ZC3H14: variants seen among roughly 807,000 people sequenced by gnomAD.
The protein encoded by ZC3H14 is zinc finger CCCH-type containing 14.
In ZC3H14, 31 loss-of-function variants were observed where a neutral mutation model predicts 92.4. The observed-to-expected ratio is 0.34, with a 90% CI of 0.25 to 0.45. The LOEUF is 0.45. Ranked by LOEUF, ZC3H14 falls within the 20% of genes least tolerant of loss-of-function variation. The pLI, the probability that ZC3H14 is intolerant of heterozygous loss-of-function variation, is 1.00. For synonymous variants in ZC3H14, 321 were observed against 300.9 expected, an observed-to-expected ratio of 1.07 and a Z score of -0.69; for missense variants, 781 against 897.3, an observed-to-expected ratio of 0.87 and a Z score of 1.66.
intron 2 of ZC3H14, among the ~76,000 whole-genome samples, chr14:88,566,031 C>CCCCCCCCT (rs2079554707): frequency 4.4e-5 from 1 of 22,788 alleles, no homozygotes; most frequent in Non-Finnish European, 2.8e-4. Context: ...CCACCCCGCC[C>CCCCCCCCT]CCCCCCCCCG....
At chr14:88,569,806 A>C (rs1321312951) in intron 3 of ZC3H14, among the ~76,000 whole-genome samples, 1 of 152,198 alleles carries the variant, frequency 6.6e-6, no homozygotes. Flanking sequence ...GAAATTCTGC[A>C]CAGAATTCTC....
At chr14:88,574,943 T>C in intron 7 of ZC3H14, 90 bp downstream of exon 7, 2 of 1,585,566 alleles carry the variant, frequency 1.3e-6, no homozygotes, top group Non-Finnish European at 1.7e-6. Context: ...AAATAATTTT[T>C]GTTTGTTTTT....
chr14:88,615,864 G>A lies in ZC3H14; in HGVS notation c.*4113G>A, dbSNP rs987577265. The A allele has an allele frequency of 5.0e-6, 8 of 1,609,900 alleles. No homozygotes were observed. The Admixed American group carries it at 1.2e-4, about 24-fold the overall frequency. ...TTTCCAGACAAATAAGCTGCAATCA[G>A]AGAAGAAAATTGCAGGGAGTTAATT... On this transcript the variant is annotated 3_prime_UTR_variant, in exon 17 of 17. Transcript: ENST00000251038.
Position 88,572,010 on chromosome 14 carries a change from G to C in ZC3H14, c.236-20G>C. 6.4e-7 allele frequency: 1 copy of C among 1,563,836 alleles called. No homozygotes were observed. Among genetic ancestry groups the C allele is most frequent in the Non-Finnish European group, 8.8e-7 (1 of 1,141,774 alleles). ...ATAAGAAATAAAAATAGATTAAAAG[G>C]ACTGTATTTTTCTTTTCAGAACCCT... is the stretch of plus-strand genomic sequence containing the variant. On this transcript the variant is annotated intron_variant, in intron 4 of 16. Transcript: ENST00000251038.
At chr14:88,579,289 C>A (rs1322773950) in intron 9 of ZC3H14, among the ~76,000 whole-genome samples, 10 of 152,018 alleles carry the variant, frequency 6.6e-5, no homozygotes, top group Admixed American at 2.6e-4. Context: ...GCCATGACAG[C>A]GTTATATACT....
chr14:88,585,953 G>A (rs1012748649), intron 9 of ZC3H14, among the ~76,000 whole-genome samples: 2 of 152,154 alleles, frequency 1.3e-5, no homozygotes, highest in African/African-American at 4.8e-5. Context: ...TGGATCACCT[G>A]AGGTCAGGAG....
intron 8 of ZC3H14, among the ~76,000 whole-genome samples, chr14:88,576,864 T>C (rs925265498): frequency 6.6e-6 from 1 of 151,968 alleles, no homozygotes; most frequent in Non-Finnish European, 1.5e-5. Context: ...GATCTTGGCT[T>C]ACTGCAATCT....
rs2089263470 is a variant in ZC3H14, at chr14:88,622,854, T to C, written c.*11103T>C. Reference sequence around the variant, plus strand: ...TATTTATAATTTACCTCTAATATTCTTGTAAACTTTCTATGGCAATTTGAG... The same window carrying C: ...TATTTATAATTTACCTCTAATATTCCTGTAAACTTTCTATGGCAATTTGAG... On this transcript the variant is annotated 3_prime_UTR_variant, in exon 17 of 17. Transcript: ENST00000251038. The C allele has an allele frequency of 3.8e-6, 2 of 532,426 alleles. No homozygotes were observed. The highest frequency in any genetic ancestry group is 8.6e-5 in the South Asian group (2 of 23,382). 33.0% of individuals were successfully genotyped at this position (532,426 alleles called of 1,614,324 possible). A position where few individuals can be genotyped will look rare whatever the true frequency, so the allele number is the denominator to read the frequency against.
Position 88,621,155 on chromosome 14 carries a change from A to C in ZC3H14, c.*9404A>C, listed in dbSNP as rs2140309452. On this transcript the variant is annotated 3_prime_UTR_variant, in exon 17 of 17. Transcript: ENST00000251038. Reference sequence around the variant, plus strand: ...AAAGTCTCACTGTCCCATCTTCTGCAGCAGAAAGGAAAAAATCCCTGGAAG... The same window carrying C: ...AAAGTCTCACTGTCCCATCTTCTGCCGCAGAAAGGAAAAAATCCCTGGAAG... 1 of 1,613,930 alleles carries C rather than the reference A, an allele frequency of 6.2e-7. No individual in the cohort carries two copies. Among genetic ancestry groups the C allele is most frequent in the East Asian group, 2.2e-5 (1 of 44,876 alleles).
At chr14:88,606,000 C>T (rs545915491) in intron 12 of ZC3H14, among the ~76,000 whole-genome samples, 17 of 152,274 alleles carry the variant, frequency 1.1e-4, no homozygotes, top group Non-Finnish European at 2.4e-4. Context: ...TAACTGACCT[C>T]TGGCAAGAGG....
At position 88,619,685 on chromosome 14, in the gene ZC3H14, A is replaced by ATT. The variant is rs35732162; in HGVS notation, c.*7945_*7946dup. 7.1e-4 allele frequency: 106 copies of ATT among 149,838 alleles called. No homozygotes were observed. Among genetic ancestry groups the ATT allele is most frequent in the South Asian group, 6.8e-3 (32 of 4,716 alleles). The allele number at this position is 149,838 out of a possible 1,614,324, so 9.3% of individuals were successfully genotyped here. On this transcript the variant is annotated 3_prime_UTR_variant, in exon 17 of 17. Transcript: ENST00000251038. Reference sequence around the variant, plus strand: ...ACACAACTTGAATCTTGGAAGAAGAATTTTTTTTTTTTGAGACGAAGTCTC... The same window carrying ATT: ...ACACAACTTGAATCTTGGAAGAAGAATTTTTTTTTTTTTTGAGACGAAGTCTC...
In ZC3H14 at chr14:88,563,042, C is replaced by G. The variant is rs1426185521; in HGVS notation, c.-92C>G. 3.3e-6 allele frequency: 5 copies of G among 1,510,644 alleles called. No individual in the cohort carries two copies. The highest frequency in any genetic ancestry group is 3.9e-5 in the Admixed American group (2 of 50,740). The allele number at this position is 1,510,644 out of a possible 1,614,324, so 93.6% of individuals were successfully genotyped here. A position where few individuals can be genotyped will look rare whatever the true frequency, so the allele number is the denominator to read the frequency against. Reference sequence around the variant, plus strand: ...GCCGGGGGCGGAACGGAGGAGGAGGCGGTGGTGTCCCGGCTGCGGGGTAGG... The same window carrying G: ...GCCGGGGGCGGAACGGAGGAGGAGGGGGTGGTGTCCCGGCTGCGGGGTAGG... On this transcript the variant is annotated 5_prime_UTR_variant, in exon 1 of 17. Transcript: ENST00000251038.
chr14:88,596,685 G>GT (rs752837598), intron 9 of ZC3H14, 49 bp from the exon 10 acceptor site: 1 of 1,509,856 alleles, frequency 6.6e-7, no homozygotes, highest in South Asian at 1.1e-5. Flanking sequence ...CCACATGCTG[G>GT]TATTGTCTGT....
intron 2 of ZC3H14, among the ~76,000 whole-genome samples, chr14:88,566,856 C>A (rs61984710): frequency 1.3e-5 from 2 of 151,042 alleles, no homozygotes; most frequent in African/African-American, 4.9e-5. Flanking sequence ...GGAAGCAGAG[C>A]TTGCAGTGAG....
rs33958046 is a variant in ZC3H14 at position 88,623,017 on chromosome 14, C to CTTTT, written c.*11279_*11282dup. The CTTTT allele has an allele frequency of 3.3e-5, 5 of 150,554 alleles. No individual in the cohort carries two copies. Among genetic ancestry groups the CTTTT allele is most frequent in the Non-Finnish European group, 5.6e-5 (4 of 71,808 alleles). 9.3% of individuals were successfully genotyped at this position (150,554 alleles called of 1,614,324 possible). On this transcript the variant is annotated 3_prime_UTR_variant, in exon 17 of 17. Transcript: ENST00000251038. ...CAATACATTATCCTCTCTCATAATA[C>CTTTT]TTTTTTTTTTTTTTTTAAGATGTAG...
chr14:88,618,932 T>TA lies in ZC3H14; in HGVS notation c.*7182dup, dbSNP rs2088286109. ...CGTGTGATAAGGCCTCAAATAGATT[T>TA]ACCTGTCAGACACAACTGATCATGT... On this transcript the variant is annotated 3_prime_UTR_variant, in exon 17 of 17. Coordinates refer to ENST00000251038, the MANE Select transcript of ZC3H14 (RefSeq NM_024824.5). 1.3e-5 allele frequency: 12 copies of TA among 939,112 alleles called. No homozygotes were observed. Among genetic ancestry groups the TA allele is most frequent in the Non-Finnish European group, 1.8e-5 (12 of 651,298 alleles). The allele number at this position is 939,112 out of a possible 1,614,324, so 58.2% of individuals were successfully genotyped here. A position where few individuals can be genotyped will look rare whatever the true frequency, so the allele number is the denominator to read the frequency against.
At chr14:88,588,552 T>C (rs1332121883) in intron 9 of ZC3H14, among the ~76,000 whole-genome samples, 1 of 152,174 alleles carries the variant, frequency 6.6e-6, no homozygotes, top group Non-Finnish European at 1.5e-5. Flanking sequence ...GGGATTTTTT[T>C]CTCCGGGAAC....
chr14:88,602,453 A>G (rs1181024519), intron 11 of ZC3H14, among the ~76,000 whole-genome samples: 3 of 152,234 alleles, frequency 2.0e-5, no homozygotes, highest in African/African-American at 7.2e-5. Context: ...GACTGTTTCT[A>G]TAAAAGAAGA....
Position 88,612,093 on chromosome 14 carries a change from G to A in ZC3H14, c.*342G>A. 1 of 290,944 alleles carries A rather than the reference G, an allele frequency of 3.4e-6. No homozygotes were observed. The highest frequency in any genetic ancestry group is 5.7e-5 in the South Asian group (1 of 17,572). 18.0% of individuals were successfully genotyped at this position (290,944 alleles called of 1,614,324 possible). ...TAGTCATGGTACTGCAGCTTAGGGGGCTACACGGTTGCTGTGTGAGTGGAG... is the reference window on the plus strand; with the variant it reads ...TAGTCATGGTACTGCAGCTTAGGGGACTACACGGTTGCTGTGTGAGTGGAG... On this transcript the variant is annotated 3_prime_UTR_variant, in exon 17 of 17. Transcript: ENST00000251038.
Sources: gnomAD v4.1 joint callset for allele counts (sites outside exome capture counted in the v4.1 genomes callset) on GRCh38, gnomAD v4.1.1 for gene constraint, MANE v1.5 for transcripts, NCBI Gene and HGNC (gene_info 2026-07-23, HGNC 2026-07-21) for gene names.